GNAL: variants seen among roughly 807,000 people sequenced by gnomAD.
GNAL encodes the protein G protein subunit alpha L, also known as guanine nucleotide-binding protein G(olf) subunit alpha.
In GNAL, 18 loss-of-function variants were observed where a neutral mutation model predicts 55.1. That is an observed-to-expected ratio of 0.33 (90% confidence interval 0.23 to 0.48). The LOEUF is 0.48. Ranked by LOEUF, GNAL falls within the 20% of genes least tolerant of loss-of-function variation. The pLI is 0.99. For missense variants in GNAL, 412 were observed against 614.1 expected, an observed-to-expected ratio of 0.67 and a Z score of 3.48; for synonymous variants, 253 against 237.0, an observed-to-expected ratio of 1.07 and a Z score of -0.62.
chr18:11,849,958 C>T (rs186277525), intron 5 of GNAL, among the ~76,000 whole-genome samples: 1 of 152,292 alleles, frequency 6.6e-6, no homozygotes, highest in Non-Finnish European at 1.5e-5. Context: ...TACACACAGA[C>T]CCCTTGCCAG....
At chr18:11,799,670 C>T (rs937105698) in intron 4 of GNAL, among the ~76,000 whole-genome samples, 5 of 152,128 alleles carry the variant, frequency 3.3e-5, no homozygotes, top group Non-Finnish European at 7.3e-5. Flanking sequence ...GGATGCTCAA[C>T]CTACGTATAA....
Position 11,885,532 on chromosome 18 carries a change from A to G in GNAL, c.*4397A>G. On this transcript the variant is annotated 3_prime_UTR_variant, in exon 12 of 12. Transcript: ENST00000334049. ...CCCGGAAGGGTGTTTGGCAAGGGGC[A>G]GTGTATGGAGCTACGTGTAGAAGGA... 1 of 926,378 alleles carries G rather than the reference A, an allele frequency of 1.1e-6. No homozygotes were observed. The highest frequency in any genetic ancestry group is 1.6e-6 in the Non-Finnish European group (1 of 614,234). The allele number at this position is 926,378 out of a possible 1,614,324, so 57.4% of individuals were successfully genotyped here. A position where few individuals can be genotyped will look rare whatever the true frequency, so the allele number is the denominator to read the frequency against.
chr18:11,763,231 G>A lies in GNAL; in HGVS notation c.624+9286G>A, dbSNP rs187283529. Among the ~76,000 whole-genome samples the A allele has an allele frequency of 7.2e-5, 11 of 152,190 alleles. No individual in the cohort carries two copies. In the East Asian group the frequency reaches 1.9e-3, roughly 27 times the overall value. Reference sequence around the variant, plus strand: ...ATAGCTAATGTGTGGCCACATTCATGCTCTCACTCTCTCTACACTAACACA... The same window carrying A: ...ATAGCTAATGTGTGGCCACATTCATACTCTCACTCTCTCTACACTAACACA... On this transcript the variant is annotated intron_variant, in intron 4 of 11. Transcript: ENST00000334049.
At chr18:11,820,831 C>T (rs755240167) in intron 4 of GNAL, among the ~76,000 whole-genome samples, 3 of 152,332 alleles carry the variant, frequency 2.0e-5, no homozygotes, top group Non-Finnish European at 4.4e-5. Flanking sequence ...AGATTGTTGT[C>T]GCTTTTGTGT....
intron 4 of GNAL, among the ~76,000 whole-genome samples, chr18:11,799,934 C>A (rs951390084): frequency 2.0e-5 from 3 of 152,088 alleles, no homozygotes; most frequent in African/African-American, 7.2e-5. Context: ...TCTTTCCCTC[C>A]CCCTGTACGT....
intron 4 of GNAL, among the ~76,000 whole-genome samples, chr18:11,822,808 C>CTT (rs56387710): frequency 7.1e-6 from 1 of 139,904 alleles, no homozygotes; most frequent in African/African-American, 2.9e-5. Flanking sequence ...TATTGTTTTT[C>CTT]TTTTTTTTTT....
chr18:11,712,853 C>T (rs2143369468), intron 1 of GNAL, among the ~76,000 whole-genome samples: 1 of 152,254 alleles, frequency 6.6e-6, no homozygotes, highest in South Asian at 2.1e-4. Context: ...ACTACATTCC[C>T]TGTGTCATTC....
At chr18:11,720,761 G>C (rs961651489) in intron 1 of GNAL, among the ~76,000 whole-genome samples, 1 of 152,304 alleles carries the variant, frequency 6.6e-6, no homozygotes, top group East Asian at 1.9e-4. Flanking sequence ...AAAGGCTCCT[G>C]GAATTGTCAT....
At chr18:11,873,017 G>A (rs1337033969) in intron 10 of GNAL, among the ~76,000 whole-genome samples, 1 of 152,188 alleles carries the variant, frequency 6.6e-6, no homozygotes, top group Non-Finnish European at 1.5e-5. Context: ...TCCGGGGCAC[G>A]GGACCGTCAG....
At chr18:11,759,753 C>T (rs1279052233) in intron 4 of GNAL, among the ~76,000 whole-genome samples, 6 of 152,368 alleles carry the variant, frequency 3.9e-5, no homozygotes, top group African/African-American at 7.2e-5. Context: ...CGGCTGCTGC[C>T]GTGTGCTGCC....
chr18:11,801,629 C>G (rs577622072), intron 4 of GNAL, among the ~76,000 whole-genome samples: 14 of 152,118 alleles, frequency 9.2e-5, no homozygotes, highest in Non-Finnish European at 1.8e-4. Flanking sequence ...GGCAAGGAGA[C>G]CAGGCTGCTG....
intron 5 of GNAL, among the ~76,000 whole-genome samples, chr18:11,846,185 G>A (rs1176474293): frequency 6.6e-6 from 1 of 152,058 alleles, no homozygotes; most frequent in Non-Finnish European, 1.5e-5. Context: ...TCAGTGTAAA[G>A]AAGGAGGAGG....
rs184433597 is a variant in GNAL, at chr18:11,737,456, C to G, written c.377-15397C>G. Among the ~76,000 whole-genome samples, 79 of 152,322 alleles carry G rather than the reference C, an allele frequency of 5.2e-4. 2 individuals carry two copies. Among genetic ancestry groups the G allele is most frequent in the South Asian group, 2.3e-3 (11 of 4,826 alleles). ...GTCTTCCAAGTCTCTCTGAATGTTTCTCTCTTCCACTCTTCTGAATGTCTG... is the reference window on the plus strand; with the variant it reads ...GTCTTCCAAGTCTCTCTGAATGTTTGTCTCTTCCACTCTTCTGAATGTCTG... On this transcript the variant is annotated intron_variant, in intron 1 of 11. Transcript: ENST00000334049.
At chr18:11,743,196 A>G (rs1483628542) in intron 1 of GNAL, among the ~76,000 whole-genome samples, 1 of 151,878 alleles carries the variant, frequency 6.6e-6, no homozygotes, top group Admixed American at 6.6e-5. Flanking sequence ...GTGTTAGCCT[A>G]GGGGCCACAT....
chr18:11,864,460 T>C (rs2036215961), intron 6 of GNAL, 73 bp from the exon 7 acceptor site: 4 of 808,430 alleles, frequency 4.9e-6, no homozygotes, highest in Non-Finnish European at 9.0e-6. Context: ...TGATGAGGTA[T>C]AGTTATACCC....
chr18:11,869,167 A>G (rs988029114), intron 9 of GNAL, among the ~76,000 whole-genome samples: 3 of 151,806 alleles, frequency 2.0e-5, no homozygotes, highest in Non-Finnish European at 4.4e-5. Context: ...ATTTTGAGAT[A>G]GAGTCTCGCT....
rs937952329 is a variant in GNAL, at chr18:11,689,737, A to C, written c.174A>C (p.Glu58Asp). The C allele has an allele frequency of 1.3e-6, 2 of 1,503,108 alleles. No individual in the cohort carries two copies. The allele number at this position is 1,503,108 out of a possible 1,614,324, so 93.1% of individuals were successfully genotyped here. The change falls in exon 1 of 12, where the codon GAA (glutamate) becomes GAC (aspartate). Residue 58 changes from glutamate (E) to aspartate (D), a missense_variant. Glu to Asp is a conservative substitution (Grantham distance 45, BLOSUM62 2). This residue lies in a region of GNAL where 228 missense variants were observed against 194.8 expected (regional missense o/e 1.17). Transcript: ENST00000334049. ...TARTLLPRGG[E>D]GSPACARPKA... ...GGACCCTGCTCCCTCGGGGCGGCGAAGGGAGCCCGGCATGCGCTCGGCCCA... is the reference window on the plus strand; with the variant it reads ...GGACCCTGCTCCCTCGGGGCGGCGACGGGAGCCCGGCATGCGCTCGGCCCA...
intron 4 of GNAL, among the ~76,000 whole-genome samples, chr18:11,787,369 A>G (rs73401838): frequency 0.086 from 13,034 of 152,220 alleles, 996 homozygotes; most frequent in African/African-American, 0.2. Context: ...GGCAACAGCT[A>G]TGGTGCTGGA....
Position 11,705,464 on chromosome 18 carries a change from A to G in GNAL, c.376+15525A>G, listed in dbSNP as rs76612019. Reference sequence around the variant, plus strand: ...GATTCTGATTTCAGTTCTTTTGAATATATACCCAGAAGTGGGATGGCTGGA... The same window carrying G: ...GATTCTGATTTCAGTTCTTTTGAATGTATACCCAGAAGTGGGATGGCTGGA... On this transcript the variant is annotated intron_variant, in intron 1 of 11. Transcript: ENST00000334049. Among the ~76,000 whole-genome samples, 26 of 152,328 alleles carry G rather than the reference A, an allele frequency of 1.7e-4. No individual in the cohort carries two copies. The East Asian group carries it at 4.6e-3, about 27-fold the overall frequency.
Sources: allele counts gnomAD v4.1 joint callset (sites outside exome capture counted in the v4.1 genomes callset), GRCh38; gene constraint gnomAD v4.1.1; regional missense constraint gnomAD v4.1.1; transcripts MANE v1.5; gene names NCBI Gene and HGNC (gene_info 2026-07-23, HGNC 2026-07-21).